ASIC2: variants seen among roughly 807,000 people sequenced by gnomAD.
ASIC2 encodes acid-sensing ion channel 2.
Under a neutral mutation model 57.3 loss-of-function variants are expected in ASIC2, and 25 were observed. The observed-to-expected ratio is 0.44, with a 90% CI of 0.32 to 0.61. The LOEUF (loss-of-function observed/expected upper bound fraction) is 0.61, where lower values mean the gene tolerates loss of function less well. Among genes scored for constraint, ASIC2 ranks in the 20% least tolerant of loss-of-function variants. The pLI, the probability that ASIC2 is intolerant of heterozygous loss-of-function variation, is 0.06. For missense variants in ASIC2, 641 were observed against 738.1 expected (o/e 0.87, Z 1.52); for synonymous variants, 319 against 307.5 (o/e 1.04, Z -0.39).
chr17:33,851,255 G>A (rs966677790), intron 1 of ASIC2, among the ~76,000 whole-genome samples: 9 of 152,078 alleles, frequency 5.9e-5, no homozygotes, highest in African/African-American at 2.2e-4. Flanking sequence ...CCAGGGGAGG[G>A]CCCTAGGCAG....
chr17:33,131,822 C>T (rs1295112251), intron 1 of ASIC2: 1 of 152,226 alleles, frequency 6.6e-6, no homozygotes, highest in African/African-American at 2.4e-5. Context: ...CGCCATACAT[C>T]ACACGCCTAA....
intron 1 of ASIC2, among the ~76,000 whole-genome samples, chr17:33,928,286 T>C (rs1383830747): frequency 1.3e-5 from 2 of 152,212 alleles, no homozygotes; most frequent in Non-Finnish European, 2.9e-5. Flanking sequence ...TGGACAGTTG[T>C]GCCTCTTCCC....
At chr17:33,882,922 T>C (rs1252196442) in intron 1 of ASIC2, among the ~76,000 whole-genome samples, 1 of 152,196 alleles carries the variant, frequency 6.6e-6, no homozygotes, top group Non-Finnish European at 1.5e-5. Flanking sequence ...TGGAATACTA[T>C]GCAGCCATGA....
intron 1 of ASIC2, chr17:33,634,603 C>T (rs1461894216): frequency 6.6e-6 from 1 of 150,512 alleles, no homozygotes; most frequent in African/African-American, 2.4e-5. Flanking sequence ...GCAAGCTCCG[C>T]CTCCCGGGTT....
chr17:33,573,137 G>A (rs1419629198), intron 1 of ASIC2, among the ~76,000 whole-genome samples: 1 of 152,124 alleles, frequency 6.6e-6, no homozygotes, highest in Non-Finnish European at 1.5e-5. Flanking sequence ...CATGGTACAC[G>A]TTTACCTGGA....
chr17:33,365,467 A>G (rs2141934411), intron 1 of ASIC2, among the ~76,000 whole-genome samples: 1 of 152,270 alleles, frequency 6.6e-6, no homozygotes, highest in Non-Finnish European at 1.5e-5. Context: ...GGCTGGATAA[A>G]TCTCACTTTA....
At chr17:33,422,673 G>C (rs1009241808) in intron 1 of ASIC2, among the ~76,000 whole-genome samples, 1 of 152,160 alleles carries the variant, frequency 6.6e-6, no homozygotes, top group Non-Finnish European at 1.5e-5. Context: ...ACATCACTCA[G>C]ATACCCCTTC....
chr17:33,951,148 G>A (rs763802485), intron 1 of ASIC2, among the ~76,000 whole-genome samples: 1 of 152,086 alleles, frequency 6.6e-6, no homozygotes, highest in African/African-American at 2.4e-5. Flanking sequence ...ATTATGATTA[G>A]TAATAATAAT....
intron 1 of ASIC2, among the ~76,000 whole-genome samples, chr17:33,853,118 C>T (rs2142): frequency 3.3e-5 from 5 of 152,218 alleles, no homozygotes; most frequent in Admixed American, 2.0e-4. Flanking sequence ...TTCTCCCACA[C>T]ACAAAGTTAA....
intron 1 of ASIC2, chr17:33,529,933 C>T (rs1440364260): frequency 6.6e-6 from 1 of 152,240 alleles, no homozygotes; most frequent in African/African-American, 2.4e-5. Context: ...TCCATCTCTT[C>T]CAGCCCTTGG....
chr17:34,082,583 C>CG (rs1909929434), intron 1 of ASIC2, among the ~76,000 whole-genome samples: 1 of 152,148 alleles, frequency 6.6e-6, no homozygotes, highest in African/African-American at 2.4e-5. Flanking sequence ...TGCAAAAATG[C>CG]GGGGGAGTCC....
At chr17:33,626,748 C>T (rs2142024309) in intron 1 of ASIC2, among the ~76,000 whole-genome samples, 1 of 152,270 alleles carries the variant, frequency 6.6e-6, no homozygotes, top group African/African-American at 2.4e-5. Context: ...ACTCTTTATG[C>T]CCCTTGCTCT....
chr17:33,346,275 A>G (rs1451851759), intron 1 of ASIC2, among the ~76,000 whole-genome samples: 1 of 151,682 alleles, frequency 6.6e-6, no homozygotes, highest in South Asian at 2.1e-4. Flanking sequence ...GAAAAGGAAC[A>G]TAAAGACACC....
chr17:33,040,808 A>G lies in ASIC2; in HGVS notation c.988-12416T>C, dbSNP rs1158169221. On this transcript the variant is annotated intron_variant, in intron 3 of 9. Coordinates refer to ENST00000225823, the MANE Select transcript of ASIC2 (RefSeq NM_183377.2). ...TCAGCAAGGCTCTATCATTGACAAG[A>G]TAGTGCTCAACCTGATGGACGTGTC... Among the ~76,000 whole-genome samples the G allele has an allele frequency of 2.6e-5, 4 of 152,296 alleles. No individual in the cohort carries two copies. The East Asian group carries it at 7.7e-4, about 29-fold the overall frequency.
rs1277622716 is a variant in ASIC2 at position 33,730,036 on chromosome 17, T to C, written c.555+425942A>G. On this transcript the variant is annotated intron_variant, in intron 1 of 9. Transcript: ENST00000359872. The stretch of plus-strand genomic sequence containing the variant: ...ATATTTCATTTTAATTATTTTATTA[T>C]ATTAAGGGACATTCGGTGCTTTCGG... Among the ~76,000 whole-genome samples the C allele has an allele frequency of 5.3e-5, 8 of 152,334 alleles. No homozygotes were observed. The East Asian group carries it at 7.7e-4, about 15-fold the overall frequency.
intron 1 of ASIC2, among the ~76,000 whole-genome samples, chr17:33,672,004 C>A (rs532934325): frequency 3.7e-4 from 56 of 152,132 alleles, no homozygotes; most frequent in South Asian, 1.0e-3. Context: ...GTTCACTTTT[C>A]CCCCCCTATT....
chr17:33,773,721 C>T (rs572473935), intron 1 of ASIC2, among the ~76,000 whole-genome samples: 1 of 149,320 alleles, frequency 6.7e-6, no homozygotes, highest in East Asian at 2.0e-4. Flanking sequence ...GTGGTGCAAT[C>T]ATGACTCACT....
chr17:33,383,179 C>T (rs914782043), intron 1 of ASIC2, among the ~76,000 whole-genome samples: 1 of 152,116 alleles, frequency 6.6e-6, no homozygotes, highest in East Asian at 1.9e-4. Context: ...TGTTGGGTCC[C>T]ATAGCAATTT....
chr17:33,889,387 T>C (rs2141946031), intron 1 of ASIC2, among the ~76,000 whole-genome samples: 1 of 152,350 alleles, frequency 6.6e-6, no homozygotes, highest in Non-Finnish European at 1.5e-5. Context: ...TTAGTGTTCT[T>C]TATATTAAAT....
Sources: gnomAD v4.1 joint callset for allele counts (sites outside exome capture counted in the v4.1 genomes callset) on GRCh38, gnomAD v4.1.1 for gene constraint, MANE v1.5 for transcripts, NCBI Gene and HGNC (gene_info 2026-07-23, HGNC 2026-07-21) for gene names.